Variants in WWOX observed in about 807,000 individuals in gnomAD.
WWOX encodes the protein WW domain-containing oxidoreductase.
A neutral mutation model predicts 46.2 loss-of-function variants in WWOX; 69 were observed. That is an observed-to-expected ratio of 1.49 (90% CI 1.23 to 1.82). The LOEUF (loss-of-function observed/expected upper bound fraction) is 1.82. Among genes scored for constraint, WWOX ranks in the 40% most tolerant of loss-of-function variants. The probability of loss-of-function intolerance (pLI) is 0.00; values close to 1 mark genes in which losing one functional copy is unlikely to be tolerated. For missense variants in WWOX, 919 were observed against 542.6 expected (o/e 1.69, Z -6.89); for synonymous variants, 359 against 202.6 (o/e 1.77, Z -6.56).
chr16:78,982,682 C>T (rs550923030), intron 8 of WWOX, among the ~76,000 whole-genome samples: 43 of 152,082 alleles, frequency 2.8e-4, no homozygotes, highest in Non-Finnish European at 5.4e-4. Context: ...TATTTTAGAC[C>T]GGGCTCCTCA....
Position 78,297,961 on chromosome 16 carries a change from G to T in WWOX, c.517-88899G>T, listed in dbSNP as rs79431601. 3.7e-3 allele frequency among the ~76,000 whole-genome samples: 560 copies of T among 152,314 alleles called. 2 individuals carry two copies. The highest frequency in any genetic ancestry group is 0.013 in the African/African-American group (541 of 41,574). Reference sequence around the variant, plus strand: ...TAGGGGGAGGGACCTCGTGGGAGGTGATTGAATCATGGAGACCGTTCCCCC... The same window carrying T: ...TAGGGGGAGGGACCTCGTGGGAGGTTATTGAATCATGGAGACCGTTCCCCC... On this transcript the variant is annotated intron_variant, in intron 5 of 8. Transcript: ENST00000566780.
chr16:78,936,315 C>T (rs2045736238), intron 8 of WWOX, among the ~76,000 whole-genome samples: 1 of 152,152 alleles, frequency 6.6e-6, no homozygotes, highest in Non-Finnish European at 1.5e-5. Context: ...AGTGGTCCAT[C>T]CCAAGCGAGT....
At chr16:78,403,858 G>C (rs1206248475) in intron 6 of WWOX, among the ~76,000 whole-genome samples, 2 of 152,208 alleles carry the variant, frequency 1.3e-5, no homozygotes, top group Non-Finnish European at 2.9e-5. Flanking sequence ...CCATGGATGT[G>C]TTTGAAGGCT....
chr16:78,112,269 C>CT (rs965373331), intron 3 of WWOX, among the ~76,000 whole-genome samples: 13 of 151,652 alleles, frequency 8.6e-5, no homozygotes, highest in South Asian at 2.1e-4. Context: ...TGAACCAAAA[C>CT]TTTTTTTTTA....
chr16:78,464,001 G>A (rs2667512), intron 8 of WWOX, among the ~76,000 whole-genome samples: 11 of 151,892 alleles, frequency 7.2e-5, no homozygotes, highest in East Asian at 3.9e-4. Context: ...TTGATCTGGC[G>A]GTCAGAACCT....
chr16:79,021,479 T>C (rs1220829931), intron 8 of WWOX, among the ~76,000 whole-genome samples: 2 of 152,158 alleles, frequency 1.3e-5, no homozygotes, highest in Admixed American at 6.5e-5. Flanking sequence ...GTTGTCAAAA[T>C]ATTAACTCAT....
chr16:78,832,426 G>T (rs1043188218), intron 8 of WWOX, among the ~76,000 whole-genome samples: 1 of 152,122 alleles, frequency 6.6e-6, no homozygotes, highest in Admixed American at 6.5e-5. Context: ...TTGATTAGAA[G>T]AATACTAGTA....
At chr16:78,312,707 C>A (rs897285182) in intron 5 of WWOX, among the ~76,000 whole-genome samples, 1 of 152,162 alleles carries the variant, frequency 6.6e-6, no homozygotes, top group Non-Finnish European at 1.5e-5. Context: ...ATCTCAGCAA[C>A]TGTAGGATTT....
Position 78,740,069 on chromosome 16 carries a change from C to G in WWOX, c.1056+307317C>G, listed in dbSNP as rs189236235. Reference sequence around the variant, plus strand: ...ACCTAACTGACCCCACTGTGGTCACCTTTGCCACCTGCCCTGCTTTGGTCC... The same window carrying G: ...ACCTAACTGACCCCACTGTGGTCACGTTTGCCACCTGCCCTGCTTTGGTCC... On this transcript the variant is annotated intron_variant, in intron 8 of 8. Transcript: ENST00000566780. 3.3e-5 allele frequency among the ~76,000 whole-genome samples: 5 copies of G among 152,246 alleles called. No individual in the cohort carries two copies. The East Asian group carries it at 7.8e-4, about 24-fold the overall frequency.
chr16:78,947,755 A>G (rs949344765), intron 8 of WWOX, among the ~76,000 whole-genome samples: 6 of 152,120 alleles, frequency 3.9e-5, no homozygotes, highest in African/African-American at 1.4e-4. Context: ...ATTTATAACC[A>G]TTTTCACCTC....
chr16:78,557,070 C>G (rs17777958), intron 8 of WWOX, among the ~76,000 whole-genome samples: 17,658 of 151,980 alleles, frequency 0.12, 1,086 homozygotes, highest in East Asian at 0.19. Flanking sequence ...AAGGGATTGT[C>G]CTAAGTGAGA....
At chr16:78,886,553 C>T (rs1452313639) in intron 8 of WWOX, among the ~76,000 whole-genome samples, 1 of 150,960 alleles carries the variant, frequency 6.6e-6, no homozygotes. Flanking sequence ...CATCTCACAT[C>T]TAAACTGTTT....
chr16:78,318,850 A>G (rs553213682), intron 5 of WWOX, among the ~76,000 whole-genome samples: 1 of 152,314 alleles, frequency 6.6e-6, no homozygotes, highest in African/African-American at 2.4e-5. Flanking sequence ...ACAGGATCCA[A>G]ACCAGGAAAC....
intron 8 of WWOX, among the ~76,000 whole-genome samples, chr16:79,076,847 T>C (rs2048666702): frequency 6.6e-6 from 1 of 152,232 alleles, no homozygotes; most frequent in South Asian, 2.1e-4. Flanking sequence ...ATAACAACAA[T>C]GGCTAACATG....
intron 8 of WWOX, among the ~76,000 whole-genome samples, chr16:78,859,027 A>ATATATAT (rs58798658): frequency 8.5e-4 from 20 of 23,638 alleles, no homozygotes; most frequent in African/African-American, 2.5e-3. Context: ...AAAAAAAAAA[A>ATATATAT]ATATATATAT....
chr16:78,945,970 C>G (rs1344968318), intron 8 of WWOX, among the ~76,000 whole-genome samples: 6 of 152,124 alleles, frequency 3.9e-5, no homozygotes, highest in South Asian at 2.1e-4. Context: ...CTAATAATCA[C>G]CTGTCCTGCC....
At chr16:79,088,939 T>A (rs1279965367) in intron 8 of WWOX, among the ~76,000 whole-genome samples, 1 of 152,166 alleles carries the variant, frequency 6.6e-6, no homozygotes, top group African/African-American at 2.4e-5. Flanking sequence ...AAAATCTATT[T>A]TTTTTGTCTT....
chr16:78,142,995 A>G (rs1467346310), intron 4 of WWOX, among the ~76,000 whole-genome samples: 2 of 152,202 alleles, frequency 1.3e-5, no homozygotes, highest in Non-Finnish European at 2.9e-5. Flanking sequence ...CCAGAATTCT[A>G]GAATCCAAAA....
intron 8 of WWOX, among the ~76,000 whole-genome samples, chr16:78,638,471 C>A (rs1275627821): frequency 6.6e-6 from 1 of 152,116 alleles, no homozygotes; most frequent in African/African-American, 2.4e-5. Context: ...AAGGCCCAGA[C>A]CCAGCTTGTT....
Sources: gnomAD v4.1 joint callset for allele counts (sites outside exome capture counted in the v4.1 genomes callset) on GRCh38, gnomAD v4.1.1 for gene constraint, MANE v1.5 for transcripts, NCBI Gene and HGNC (gene_info 2026-07-23, HGNC 2026-07-21) for gene names.